The following ABR variants were observed in gnomAD, a reference collection of about 807,000 sequenced individuals.
The protein encoded by ABR is active breakpoint cluster region-related protein.
In ABR, 35 loss-of-function variants were observed where a neutral mutation model predicts 107.2. The observed-to-expected ratio is 0.33, with a 90% CI of 0.25 to 0.43. The LOEUF (loss-of-function observed/expected upper bound fraction) is 0.43. Ranked by LOEUF, ABR falls within the 20% of genes least tolerant of loss-of-function variation. ABR has a pLI of 1.00. For missense variants in ABR, 815 were observed against 1,115.2 expected, an observed-to-expected ratio of 0.73 and a Z score of 3.83; for synonymous variants, 498 against 462.0, an observed-to-expected ratio of 1.08 and a Z score of -1.00.
chr17:1,165,274 G>T (rs1012614459), intron 1 of ABR, among the ~76,000 whole-genome samples: 1 of 152,232 alleles, frequency 6.6e-6, no homozygotes, highest in Non-Finnish European at 1.5e-5. Flanking sequence ...CCTGTGACCC[G>T]GAGGAGCCAT....
chr17:1,095,390 G>A (rs547649843), intron 3 of ABR, among the ~76,000 whole-genome samples: 2 of 152,166 alleles, frequency 1.3e-5, no homozygotes, highest in African/African-American at 2.4e-5. Context: ...GATTTCACTC[G>A]CGGGGAGGGG....
At chr17:1,225,203 G>T (rs1033299555) in intron 1 of ABR, among the ~76,000 whole-genome samples, 5 of 150,424 alleles carry the variant, frequency 3.3e-5, no homozygotes, top group Non-Finnish European at 5.9e-5. Context: ...TCACTGTATC[G>T]CCCAGGCTGG....
intron 16 of ABR, among the ~76,000 whole-genome samples, chr17:1,030,961 A>C (rs1367799665): frequency 1.3e-5 from 2 of 152,220 alleles, no homozygotes; most frequent in Non-Finnish European, 2.9e-5. Context: ...CAGCCTGCCC[A>C]GCTGCAGGAC....
At chr17:1,195,990 A>G (rs1367485213) in intron 1 of ABR, among the ~76,000 whole-genome samples, 1 of 149,348 alleles carries the variant, frequency 6.7e-6, no homozygotes, top group Non-Finnish European at 1.5e-5. Context: ...TTAGCCAGGC[A>G]TGGTAGCAGG....
At chr17:1,129,541 AAAAC>A (rs2039737619) in intron 1 of ABR, among the ~76,000 whole-genome samples, 1 of 152,196 alleles carries the variant, frequency 6.6e-6, no homozygotes, top group African/African-American at 2.4e-5. Flanking sequence ...CAAAAAAACA[AAAAC>A]AAAAACAAGA....
chr17:1,077,086 G>A (rs1480317282), intron 6 of ABR, among the ~76,000 whole-genome samples: 2 of 152,222 alleles, frequency 1.3e-5, no homozygotes, highest in African/African-American at 2.4e-5. Context: ...TTACAGACAA[G>A]GCAACTGAGG....
chr17:1,079,754 A>T (rs1333809282), intron 5 of ABR, among the ~76,000 whole-genome samples: 1 of 140,590 alleles, frequency 7.1e-6, no homozygotes, highest in East Asian at 2.1e-4. Context: ...ACACCATTGC[A>T]CTCCAGCCTG....
chr17:1,185,985 GCCA>G (rs1259951210), intron 1 of ABR, among the ~76,000 whole-genome samples: 2 of 151,936 alleles, frequency 1.3e-5, no homozygotes, highest in Non-Finnish European at 2.9e-5. Flanking sequence ...ACAGGAGCCC[GCCA>G]CCACACCTGG....
At chr17:1,032,993 G>A (rs796388790) in intron 16 of ABR, among the ~76,000 whole-genome samples, 32 of 152,280 alleles carry the variant, frequency 2.1e-4, no homozygotes, top group African/African-American at 7.7e-4. Flanking sequence ...GAGAGGTGAG[G>A]ACAGGGGGTC....
In ABR at chr17:1,051,395, C is replaced by T. The variant is rs111773163; in HGVS notation, c.1562-761G>A. Among the ~76,000 whole-genome samples the T allele has an allele frequency of 9.4e-3, 1,434 of 151,790 alleles. 31 individuals are homozygous for T. Among genetic ancestry groups the T allele is most frequent in the African/African-American group, 0.032 (1,312 of 41,478 alleles). ...GAACGAGGCTCCCACCACCACCAAG[C>T]GCTCCAGGTAACAAGGCAGTGGAGG... On this transcript the variant is annotated intron_variant, in intron 14 of 22. Coordinates refer to ENST00000302538, the MANE Select transcript of ABR (RefSeq NM_021962.5). The surrounding 1 kb of genome is among the most constrained non-coding windows in gnomAD (Gnocchi z 4.3).
At chr17:1,137,254 G>A (rs2040108660) in intron 1 of ABR, among the ~76,000 whole-genome samples, 1 of 152,248 alleles carries the variant, frequency 6.6e-6, no homozygotes, top group African/African-American at 2.4e-5. Context: ...ATGTTGGCCA[G>A]GCTGGTCTTG....
chr17:1,014,179 C>T (rs1053463220), intron 16 of ABR, among the ~76,000 whole-genome samples: 1 of 152,178 alleles, frequency 6.6e-6, no homozygotes, highest in Admixed American at 6.5e-5. Flanking sequence ...TGGCGGCTCA[C>T]GCCTGTAATC....
At chr17:1,025,167 G>C (rs1183559635) in intron 16 of ABR, among the ~76,000 whole-genome samples, 1 of 148,868 alleles carries the variant, frequency 6.7e-6, no homozygotes, top group Non-Finnish European at 1.5e-5. Flanking sequence ...GTGGTGGCGG[G>C]CACCTGTAAT....
intron 1 of ABR, among the ~76,000 whole-genome samples, chr17:1,125,909 C>T (rs1046635264): frequency 2.0e-4 from 30 of 152,174 alleles, no homozygotes; most frequent in African/African-American, 5.3e-4. Context: ...AGGCCCCGCA[C>T]GGAGGACGGA....
chr17:1,049,727 G>A (rs562921071), intron 16 of ABR, among the ~76,000 whole-genome samples: 2 of 152,278 alleles, frequency 1.3e-5, no homozygotes, highest in South Asian at 2.1e-4. Flanking sequence ...GTTCACCGAC[G>A]CAGCCTCTGA....
rs1567626166 is a variant in ABR, at chr17:1,037,259, T to A, written c.1791+12791A>T. Among the ~76,000 whole-genome samples the A allele has an allele frequency of 1.3e-5, 2 of 152,194 alleles. No individual in the cohort carries two copies. Among genetic ancestry groups the A allele is most frequent in the Non-Finnish European group, 2.9e-5 (2 of 68,034 alleles). Reference sequence around the variant, plus strand: ...TAGGCCTGCCCAAGGTAACCTGCTGTCCTCCCAACTCCCCAAAGGCCTGTG... The same window carrying A: ...TAGGCCTGCCCAAGGTAACCTGCTGACCTCCCAACTCCCCAAAGGCCTGTG... On this transcript the variant is annotated intron_variant, in intron 16 of 22. Coordinates refer to ENST00000302538, the MANE Select transcript of ABR (RefSeq NM_021962.5). The surrounding 1 kb of genome is among the most constrained non-coding windows in gnomAD (Gnocchi z 4.6).
chr17:1,011,892 C>T lies in ABR; in HGVS notation c.2055G>A (p.Ser685=), dbSNP rs186235718. 222 of 1,607,782 alleles carry T rather than the reference C, an allele frequency of 1.4e-4. 2 individuals are homozygous for T. Among genetic ancestry groups the T allele is most frequent in the Middle Eastern group, 5.0e-4 (3 of 6,032 alleles). ...GIEEVGIYRI[S]GVATDIQALK... ...GCGCCTGGATGTCCGTGGCCACGCCCGATATCCTGTAGATGCCAACCTCCT... is the reference window on the plus strand; with the variant it reads ...GCGCCTGGATGTCCGTGGCCACGCCTGATATCCTGTAGATGCCAACCTCCT... The change falls in exon 19 of 23, where the codon TCG becomes TCA. Residue 685 remains serine, a synonymous_variant. Transcript: ENST00000302538. The surrounding 1 kb of genome is among the most constrained non-coding windows in gnomAD (Gnocchi z 4.8).
chr17:1,191,382 G>A (rs1442544369), upstream of ABR, among the ~76,000 whole-genome samples: 1 of 113,170 alleles, frequency 8.8e-6, no homozygotes, highest in Admixed American at 1.2e-4. Flanking sequence ...TTTTGAGACA[G>A]AGTCTCCCTC....
chr17:1,125,444 G>C (rs745772129), intron 1 of ABR, 77 bp from the exon 2 acceptor site: 18 of 1,554,636 alleles, frequency 1.2e-5, no homozygotes, highest in Middle Eastern at 1.7e-4. Context: ...GTGGGCGCCG[G>C]CGGCGGCCCC....
Sources: allele counts gnomAD v4.1 joint callset (sites outside exome capture counted in the v4.1 genomes callset), GRCh38; gene constraint gnomAD v4.1.1; non-coding constraint Gnocchi (gnomAD v3.1); transcripts MANE v1.5; gene names NCBI Gene and HGNC (gene_info 2026-07-23, HGNC 2026-07-21).